CRADD: variants seen among roughly 807,000 people sequenced by gnomAD.
CRADD encodes the protein death domain-containing protein CRADD.
Under a neutral mutation model 15.5 loss-of-function variants are expected in CRADD, and 9 were observed. The observed-to-expected ratio is 0.58, with a 90% confidence interval of 0.35 to 1.01. CRADD has a LOEUF of 1.01. Among genes scored for constraint, CRADD ranks in the 50% least tolerant of loss-of-function variants. The pLI is 0.02. For missense variants in CRADD, 227 were observed against 250.3 expected (o/e 0.91, Z 0.63); for synonymous variants, 118 against 107.6 (o/e 1.10, Z -0.60).
At chr12:93,734,684 G>A (rs189624130) in intron 2 of CRADD, among the ~76,000 whole-genome samples, 4 of 152,248 alleles carry the variant, frequency 2.6e-5, no homozygotes, top group Admixed American at 6.5e-5. Flanking sequence ...CTCTGTCTCC[G>A]GACCCCGTCC....
Position 93,808,436 on chromosome 12 carries a change from C to T in CRADD, c.299-41534C>T, listed in dbSNP as rs143895856. Among the ~76,000 whole-genome samples the T allele has an allele frequency of 4.4e-3, 667 of 152,146 alleles. 2 individuals carry two copies. The highest frequency in any genetic ancestry group is 8.1e-3 in the Non-Finnish European group (549 of 68,004). On this transcript the variant is annotated intron_variant, in intron 2 of 2. Transcript: ENST00000332896. ...ACCATGAGAACAGTATGGGGGAAAC[C>T]GCCCCCATGATTCAGTGATCTCCAC...
chr12:93,680,785 TGAACTGAAAGCC>T (rs1462137807), intron 2 of CRADD, among the ~76,000 whole-genome samples: 1 of 152,204 alleles, frequency 6.6e-6, no homozygotes, highest in East Asian at 1.9e-4. Flanking sequence ...ACAAAACAGG[TGAACTGAAAGCC>T]TTTCACTATC....
chr12:93,724,961 C>T (rs979814296), intron 2 of CRADD, among the ~76,000 whole-genome samples: 1 of 152,012 alleles, frequency 6.6e-6, no homozygotes, highest in East Asian at 1.9e-4. Context: ...CCCGGGTTCA[C>T]GCCATTCTCC....
At chr12:93,777,921 G>A (rs1438323609) in intron 2 of CRADD, among the ~76,000 whole-genome samples, 1 of 151,992 alleles carries the variant, frequency 6.6e-6, no homozygotes, top group African/African-American at 2.4e-5. Flanking sequence ...CATGACCTCC[G>A]AATCTTCTTA....
At chr12:93,684,812 G>C (rs1955395728) in intron 2 of CRADD, among the ~76,000 whole-genome samples, 1 of 152,148 alleles carries the variant, frequency 6.6e-6, no homozygotes, top group Non-Finnish European at 1.5e-5. Context: ...TTCAGATAGA[G>C]GGGACCACAA....
intron 2 of CRADD, among the ~76,000 whole-genome samples, chr12:93,709,255 C>A (rs1956015901): frequency 6.6e-6 from 1 of 151,994 alleles, no homozygotes; most frequent in African/African-American, 2.4e-5. Context: ...TTATTTTTTT[C>A]TTTATTTTTA....
chr12:93,688,512 C>T (rs892582532), intron 2 of CRADD, among the ~76,000 whole-genome samples: 2 of 146,598 alleles, frequency 1.4e-5, no homozygotes, highest in African/African-American at 5.0e-5. Context: ...AAAAAAAAAG[C>T]AAAAGCAGTC....
At chr12:93,757,671 G>C (rs182332308) in intron 2 of CRADD, among the ~76,000 whole-genome samples, 1 of 152,240 alleles carries the variant, frequency 6.6e-6, no homozygotes, top group East Asian at 1.9e-4. Context: ...TTCTTAGCCT[G>C]GTTCTCATTA....
chr12:93,756,317 C>T (rs1318496311), intron 2 of CRADD, among the ~76,000 whole-genome samples: 1 of 152,142 alleles, frequency 6.6e-6, no homozygotes, highest in Admixed American at 6.5e-5. Flanking sequence ...GAATGACTCA[C>T]CATAAGTTCA....
At chr12:93,709,371 C>G (rs1956018344) in intron 2 of CRADD, among the ~76,000 whole-genome samples, 1 of 152,100 alleles carries the variant, frequency 6.6e-6, no homozygotes, top group Non-Finnish European at 1.5e-5. Flanking sequence ...GTATTAAGCC[C>G]AGTACCCAGT....
intron 2 of CRADD, among the ~76,000 whole-genome samples, chr12:93,856,814 C>A (rs1386238227): frequency 6.6e-6 from 1 of 152,114 alleles, no homozygotes; most frequent in East Asian, 1.9e-4. Context: ...TTTTGGGGTT[C>A]TTTTTTATGA....
intron 2 of CRADD, among the ~76,000 whole-genome samples, chr12:93,702,604 A>G (rs901558207): frequency 2.0e-5 from 3 of 151,198 alleles, no homozygotes; most frequent in African/African-American, 7.3e-5. Flanking sequence ...ATAATGCTCT[A>G]AACTCTGCAA....
Position 93,893,351 on chromosome 12 carries a change from A to G in CRADD, c.299-699A>G, listed in dbSNP as rs2137081680. ...TAGAGGGGCATTCCCTTCCCTCATT[A>G]CTTTCTGTTTGTTCATTGGACGGAC... On this transcript the variant is annotated intron_variant, in intron 2 of 2. Coordinates refer to the CRADD transcript ENST00000548483. Among the ~76,000 whole-genome samples the G allele has an allele frequency of 2.0e-5, 3 of 152,170 alleles. 1 individual carries two copies. In the East Asian group the frequency reaches 5.8e-4, roughly 29 times the overall value.
At chr12:93,792,788 A>G (rs762369391) in intron 2 of CRADD, among the ~76,000 whole-genome samples, 3 of 152,176 alleles carry the variant, frequency 2.0e-5, no homozygotes, top group Non-Finnish European at 4.4e-5. Flanking sequence ...TGTAGCTACT[A>G]AGTAGCAAAG....
rs867992053 is a variant in CRADD at position 93,886,182 on chromosome 12, T to A, written c.299-7868T>A. On this transcript the variant is annotated intron_variant, in intron 2 of 2. Transcript: ENST00000548483. Reference sequence around the variant, plus strand: ...TGATGCTTTTTTTTTTTTTTTTTTTTGAGACAGAATCTTGCTCTGTCACCC... The same window carrying A: ...TGATGCTTTTTTTTTTTTTTTTTTTAGAGACAGAATCTTGCTCTGTCACCC... Among the ~76,000 whole-genome samples, 237 of 149,348 alleles carry A rather than the reference T, an allele frequency of 1.6e-3. 1 individual carries two copies. Among genetic ancestry groups the A allele is most frequent in the African/African-American group, 5.5e-3 (225 of 40,550 alleles).
chr12:93,880,245 GT>G (rs1958487520), intron 2 of CRADD, among the ~76,000 whole-genome samples: 1 of 152,154 alleles, frequency 6.6e-6, no homozygotes, highest in Non-Finnish European at 1.5e-5. Context: ...GAGAAAGCAT[GT>G]TGGCTTAGTG....
intron 2 of CRADD, among the ~76,000 whole-genome samples, chr12:93,682,468 T>A (rs1294975899): frequency 1.3e-5 from 2 of 152,236 alleles, no homozygotes; most frequent in African/African-American, 4.8e-5. Context: ...AGCCAAGACG[T>A]TGATCCTTCT....
intron 2 of CRADD, among the ~76,000 whole-genome samples, chr12:93,711,055 C>CCCCCCCTTTT: frequency 4.1e-4 from 18 of 43,494 alleles, no homozygotes; most frequent in Admixed American, 7.8e-4. Context: ...CCACCCCCGC[C>CCCCCCCTTTT]TTTTTTTTTT....
intron 2 of CRADD, among the ~76,000 whole-genome samples, chr12:93,823,999 C>A (rs754546255): frequency 6.6e-6 from 1 of 152,158 alleles, no homozygotes; most frequent in South Asian, 2.1e-4. Context: ...CCCAAACTGA[C>A]AAAATAATGA....
Sources: allele counts gnomAD v4.1 joint callset (sites outside exome capture counted in the v4.1 genomes callset), GRCh38; gene constraint gnomAD v4.1.1; transcripts MANE v1.5; gene names NCBI Gene and HGNC (gene_info 2026-07-23, HGNC 2026-07-21).